The following C4orf54 variants were observed in gnomAD, a reference collection of about 807,000 sequenced individuals.
C4orf54 encodes uncharacterized protein C4orf54.
Under a neutral mutation model 80.1 loss-of-function variants are expected in C4orf54, and 67 were observed. The observed-to-expected ratio is 0.84, with a 90% confidence interval of 0.69 to 1.03. C4orf54 has a LOEUF of 1.03. Among genes scored for constraint, C4orf54 ranks in the 50% least tolerant of loss-of-function variants. The probability of loss-of-function intolerance (pLI) is 0.00; values close to 1 mark genes in which losing one functional copy is unlikely to be tolerated. For synonymous variants in C4orf54, 1,000 were observed against 917.0 expected (o/e 1.09, Z -1.64); for missense variants, 2,434 against 2,253.5 (o/e 1.08, Z -1.62).
In C4orf54 at chr4:99,653,690, C is replaced by T. The variant is rs1726909718; in HGVS notation, c.959G>A (p.Gly320Glu). 4 of 1,528,230 alleles carry T rather than the reference C, an allele frequency of 2.6e-6. No homozygotes were observed. The South Asian group carries it at 3.6e-5, about 14-fold the overall frequency. 94.7% of individuals were successfully genotyped at this position (1,528,230 alleles called of 1,614,324 possible). A position where few individuals can be genotyped will look rare whatever the true frequency, so the allele number is the denominator to read the frequency against. ...GESEGCQAVG[G>E]EGEKISGGGG... Reference sequence around the variant, plus strand: ...TCCTCCTGATATTTTCTCTCCTTCTCCTCCCACGGCCTGGCAACCTTCACT... The same window carrying T: ...TCCTCCTGATATTTTCTCTCCTTCTTCTCCCACGGCCTGGCAACCTTCACT... Residue 320 changes from glycine (G) to glutamate (E), a missense_variant, in exon 2 of 3, where the codon GGA (glycine) becomes GAA (glutamate). Transcript: ENST00000511828.
rs764806498 is a variant in C4orf54, at chr4:99,653,698, G to T, written c.951C>A (p.Ala317=). ...SESGESEGCQ[A]VGGEGEKISG... ...ATATTTTCTCTCCTTCTCCTCCCACGGCCTGGCAACCTTCACTTTCACCAC... is the reference window on the plus strand; with the variant it reads ...ATATTTTCTCTCCTTCTCCTCCCACTGCCTGGCAACCTTCACTTTCACCAC... Residue 317 remains alanine (A), a synonymous_variant, in exon 2 of 3, where the codon GCC becomes GCA. Transcript: ENST00000511828. The T allele has an allele frequency of 1.9e-5, 29 of 1,526,132 alleles. No individual in the cohort carries two copies. Among genetic ancestry groups the T allele is most frequent in the Non-Finnish European group, 2.5e-5 (28 of 1,140,892 alleles). The allele number at this position is 1,526,132 out of a possible 1,614,324, so 94.5% of individuals were successfully genotyped here.
rs1219198789 is a variant in C4orf54, at chr4:99,654,359, G to A, written c.290C>T (p.Pro97Leu). The change falls in exon 2 of 3, where the codon CCT (proline) becomes CTT (leucine). Residue 97 changes from proline (P) to leucine (L), a missense_variant. Coordinates refer to ENST00000511828, the MANE Select transcript of C4orf54 (RefSeq NM_001354435.2). ...TATCTGGACTGGCCCCAAGGCTGTAGGCACTGCTGCCACTGCTGCCACCAC... is the reference window on the plus strand; with the variant it reads ...TATCTGGACTGGCCCCAAGGCTGTAAGCACTGCTGCCACTGCTGCCACCAC... Reference protein sequence around the residue: ...WEVVAAVAAVPTALGPVQIRG... With the variant: ...WEVVAAVAAVLTALGPVQIRG... 20 of 1,193,282 alleles carry A rather than the reference G, an allele frequency of 1.7e-5. No individual in the cohort carries two copies. In the Admixed American group the frequency reaches 4.0e-4, roughly 24 times the overall value. The allele number at this position is 1,193,282 out of a possible 1,614,324, so 73.9% of individuals were successfully genotyped here.
In C4orf54 at chr4:99,643,739, AACACACACACACAC is replaced by A. The variant is rs754039570; in HGVS notation, c.*37-2557_*37-2544del. Among the ~76,000 whole-genome samples the A allele has an allele frequency of 8.0e-3, 787 of 98,942 alleles. 10 individuals carry two copies. The highest frequency in any genetic ancestry group is 0.048 in the Middle Eastern group (9 of 188). 64.9% of individuals were successfully genotyped at this position (98,942 alleles called of 152,430 possible). ...TTCCCTGCCCTTTCCCCCAAGCCACAACACACACACACACACACACACACACACACACACACACA... is the reference window on the plus strand; with the variant it reads ...TTCCCTGCCCTTTCCCCCAAGCCACAACACACACACACACACACACACACA... On this transcript the variant is annotated intron_variant, in intron 2 of 2. Transcript: ENST00000511828.
rs1388472515 is a variant in C4orf54 at position 99,650,969 on chromosome 4, G to A, written c.3680C>T (p.Ser1227Phe). 6.5e-7 allele frequency: 1 copy of A among 1,536,118 alleles called. No homozygotes were observed. Among genetic ancestry groups the A allele is most frequent in the Non-Finnish European group, 8.7e-7 (1 of 1,146,922 alleles). The change falls in exon 2 of 3, where the codon TCC becomes TTC. Residue 1227 changes from serine to phenylalanine, a missense_variant. By Grantham distance (155) the Ser-to-Phe change is radical. Transcript: ENST00000511828. ...LPVLKIVSKA[S>F]TQKTPEKLKE... ...GAGCTTCTCTGGGGTCTTCTGGGTG[G>A]AAGCCTTGGAGACAATCTTGAGCAC...
rs1368892083 is a variant in C4orf54, at chr4:99,640,441, G to A, written c.*792C>T. The A allele has an allele frequency of 6.6e-6, 1 of 152,124 alleles. No homozygotes were observed. Among genetic ancestry groups the A allele is most frequent in the Non-Finnish European group, 1.5e-5 (1 of 67,990 alleles). 9.4% of individuals were successfully genotyped at this position (152,124 alleles called of 1,614,324 possible). A position where few individuals can be genotyped will look rare whatever the true frequency, so the allele number is the denominator to read the frequency against. ...TGTTATGCACCCACAAAAATAATTG[G>A]ATTCTTAAAGGAAAATAGATATTTT... On this transcript the variant is annotated 3_prime_UTR_variant, in exon 3 of 3. Transcript: ENST00000511828.
At position 99,654,620 on chromosome 4, in the gene C4orf54, C is replaced by CG. The variant is rs1560642490; in HGVS notation, c.28dup (p.Arg10ProfsTer142). 1.4e-6 allele frequency: 1 copy of CG among 695,550 alleles called. No individual in the cohort carries two copies. The highest frequency in any genetic ancestry group is 2.6e-6 in the Non-Finnish European group (1 of 378,760). 43.1% of individuals were successfully genotyped at this position (695,550 alleles called of 1,614,324 possible). ...AGAAGCAGCATCTGTAGGTTGACCCCGGGACTTCCAGAAATGAAAGGAAAG... is the reference window on the plus strand; with the variant it reads ...AGAAGCAGCATCTGTAGGTTGACCCCGGGGACTTCCAGAAATGAAAGGAAAG... On this transcript the variant is annotated frameshift_variant, in exon 2 of 3. Transcript: ENST00000511828. LOFTEE classifies it high-confidence loss of function.
At chr4:99,646,154 T>C (rs1726697136) in intron 2 of C4orf54, among the ~76,000 whole-genome samples, 1 of 152,168 alleles carries the variant, frequency 6.6e-6, no homozygotes, top group East Asian at 1.9e-4. Flanking sequence ...GTGCTAAAAA[T>C]AGATGATGAA....
Position 99,637,437 on chromosome 4 carries a change from C to A in C4orf54, c.*3796G>T, listed in dbSNP as rs12641768. The A allele has an allele frequency of 0.46, 69,944 of 151,858 alleles. 17,923 individuals carry two copies. Among genetic ancestry groups the A allele is most frequent in the African/African-American group, 0.66 (27,369 of 41,438 alleles). 9.4% of individuals were successfully genotyped at this position (151,858 alleles called of 1,614,324 possible). On this transcript the variant is annotated 3_prime_UTR_variant, in exon 3 of 3. Transcript: ENST00000511828. ...GGACATGTTTTTTTCCCAGAGGACC[C>A]GAGTCTGCAATTCTGATTAGATTCA...
rs753639705 is a variant in C4orf54 at position 99,653,477 on chromosome 4, C to G, written c.1172G>C (p.Arg391Pro). 3.3e-6 allele frequency: 5 copies of G among 1,535,966 alleles called. No homozygotes were observed. In the African/African-American group the frequency reaches 5.5e-5, roughly 17 times the overall value. The change falls in exon 2 of 3, where the codon CGC (arginine) becomes CCC (proline). Residue 391 changes from arginine to proline, a missense_variant. Transcript: ENST00000511828. ...CACGTTGTTGTCCTCGAAATCCCAGCGGGAGGCCAGTCCCACGTCGAAATC... is the reference window on the plus strand; with the variant it reads ...CACGTTGTTGTCCTCGAAATCCCAGGGGGAGGCCAGTCCCACGTCGAAATC... ...DMDFDVGLASRWDFEDNNVIY... is the reference protein window; with the variant it reads ...DMDFDVGLASPWDFEDNNVIY...
Position 99,651,221 on chromosome 4 carries a change from C to T in C4orf54, c.3428G>A (p.Gly1143Asp). 1.3e-6 allele frequency: 2 copies of T among 1,536,164 alleles called. No individual in the cohort carries two copies. Among genetic ancestry groups the T allele is most frequent in the Non-Finnish European group, 1.7e-6 (2 of 1,146,918 alleles). ...CATGGGGGACAGGGATCCAGATCCG[C>T]CAGCTGCTGCAGACAGCTGCCTGGG... ...PKPRQLSAAAGGSGSLSPMVI... is the reference protein window; with the variant it reads ...PKPRQLSAAADGSGSLSPMVI... The change falls in exon 2 of 3, where the codon GGC becomes GAC. Residue 1143 changes from glycine (G) to aspartate (D), a missense_variant. Physicochemically the swap from Gly to Asp is moderately conservative, Grantham distance 94 (BLOSUM62 -1). Transcript: ENST00000511828.
rs1185526411 is a variant in C4orf54, at chr4:99,652,345, G to A, written c.2304C>T (p.Pro768=). The change falls in exon 2 of 3, where the codon CCC becomes CCT. Residue 768 remains proline, a synonymous_variant. Transcript: ENST00000511828. ...TGCCGGGGCCTTTGGTGGCCCTGCC[G>A]GGCCCAGGGGCCGAGCTGGCTTTGC... ...SESKASSAPG[P]GRATKGPGKG... The A allele has an allele frequency of 1.3e-6, 2 of 1,535,884 alleles. No homozygotes were observed. The highest frequency in any genetic ancestry group is 1.7e-6 in the Non-Finnish European group (2 of 1,146,856).
At chr4:99,645,410 T>TAAAAAAAAAAAAAAAAAAAAAAAAAAA in intron 2 of C4orf54, among the ~76,000 whole-genome samples, 1 of 55,884 alleles carries the variant, frequency 1.8e-5, no homozygotes, top group East Asian at 5.1e-4. Context: ...AGGCTTACAG[T>TAAAAAAAAAAAAAAAAAAAAAAAAAAA]AAAAAAAAAA....
Position 99,650,423 on chromosome 4 carries a change from C to G in C4orf54, c.4226G>C (p.Gly1409Ala). The stretch of plus-strand genomic sequence containing the variant: ...TTGTGGGAACTTGCCAGCGACACCC[C>G]CAGTTTTCTGGATGCTGCTGGCACT... ...TVSASSIQKT[G>A]GVAGKFPQGP... Residue 1409 changes from glycine to alanine, a missense_variant, in exon 2 of 3, where the codon GGG (glycine) becomes GCG (alanine). Coordinates refer to ENST00000511828, the MANE Select transcript of C4orf54 (RefSeq NM_001354435.2). The G allele has an allele frequency of 6.5e-7, 1 of 1,536,078 alleles. No homozygotes were observed. Among genetic ancestry groups the G allele is most frequent in the Non-Finnish European group, 8.7e-7 (1 of 1,146,898 alleles).
chr4:99,655,035 A>G (rs1178886098), intron 1 of C4orf54, among the ~76,000 whole-genome samples: 1 of 152,222 alleles, frequency 6.6e-6, no homozygotes, highest in Non-Finnish European at 1.5e-5. Context: ...CCTGGTACAT[A>G]TGGTAGCCTT....
In C4orf54 at chr4:99,653,333, G is replaced by C. The variant is rs891792894; in HGVS notation, c.1316C>G (p.Thr439Ser). 3 of 1,534,758 alleles carry C rather than the reference G, an allele frequency of 2.0e-6. No individual in the cohort carries two copies. Among genetic ancestry groups the C allele is most frequent in the African/African-American group, 2.7e-5 (2 of 73,004 alleles). Reference protein sequence around the residue: ...NSCYLSTTPSTNTTRTPSPTS... With the variant: ...NSCYLSTTPSSNTTRTPSPTS... ...AGGGCTGGGCGTCCGGGTGGTGTTG[G>C]TGCTGGGAGTGGTGCTGAGGTAGCA... Residue 439 changes from threonine to serine, a missense_variant, in exon 2 of 3, where the codon ACC becomes AGC. Coordinates refer to ENST00000511828, the MANE Select transcript of C4orf54 (RefSeq NM_001354435.2).
intron 2 of C4orf54, among the ~76,000 whole-genome samples, chr4:99,648,983 G>GA (rs1302137464): frequency 3.3e-5 from 5 of 152,072 alleles, no homozygotes; most frequent in African/African-American, 1.2e-4. Context: ...TCTCAGGTGG[G>GA]AAAAAACACT....
rs1296188019 is a variant in C4orf54 at position 99,654,157 on chromosome 4, C to G, written c.492G>C (p.Gly164=). 6 of 1,536,158 alleles carry G rather than the reference C, an allele frequency of 3.9e-6. No homozygotes were observed. In the Admixed American group the frequency reaches 1.2e-4, roughly 30 times the overall value. Residue 164 remains glycine (G), a synonymous_variant, in exon 2 of 3, where the codon GGG becomes GGC. Coordinates refer to ENST00000511828, the MANE Select transcript of C4orf54 (RefSeq NM_001354435.2). The part of the protein sequence containing the change: ...SKARQAEVGD[G]VSSAQDSQEL... ...CCTGGCTGTCTTGAGCACTGCTCAC[C>G]CCGTCCCCCACCTCCGCCTGTCTTG...
rs763741865 is a variant in C4orf54 at position 99,651,199 on chromosome 4, G to A, written c.3450C>T (p.Pro1150=). 15 of 1,536,018 alleles carry A rather than the reference G, an allele frequency of 9.8e-6. No homozygotes were observed. The highest frequency in any genetic ancestry group is 1.3e-5 in the Non-Finnish European group (15 of 1,146,930). ...CTACAGCCTGGCATGTAATCACCAT[G>A]GGGGACAGGGATCCAGATCCGCCAG... ...AAAGGSGSLS[P]MVITCQAVVN... is the part of the protein sequence containing the mutation. Residue 1150 remains proline, a synonymous_variant, in exon 2 of 3, where the codon CCC becomes CCT. Coordinates refer to ENST00000511828, the MANE Select transcript of C4orf54 (RefSeq NM_001354435.2).
chr4:99,653,084 G>C lies in C4orf54; in HGVS notation c.1565C>G (p.Ser522Ter). 1 of 1,536,278 alleles carries C rather than the reference G, an allele frequency of 6.5e-7. No individual in the cohort carries two copies. The highest frequency in any genetic ancestry group is 8.7e-7 in the Non-Finnish European group (1 of 1,146,914). Residue 522 changes from serine (S) to a stop codon, truncating the protein, a stop_gained, in exon 2 of 3, where the codon TCA becomes TGA. Coordinates refer to ENST00000511828, the MANE Select transcript of C4orf54 (RefSeq NM_001354435.2). LOFTEE classifies it high-confidence loss of function. ...CGSAASQILLSIKPASRAINE... is the reference protein window; with the variant it reads ...CGSAASQILL Reference sequence around the variant, plus strand: ...TATAGCCCGGGAAGCCGGTTTGATTGATAGGAGGATCTGGCTTGCTGCACT... The same window carrying C: ...TATAGCCCGGGAAGCCGGTTTGATTCATAGGAGGATCTGGCTTGCTGCACT...
Sources: gnomAD v4.1 joint callset for allele counts (sites outside exome capture counted in the v4.1 genomes callset) on GRCh38, gnomAD v4.1.1 for gene constraint, MANE v1.5 for transcripts, NCBI Gene and HGNC (gene_info 2026-07-23, HGNC 2026-07-21) for gene names.